The following SHMT2 variants were observed in gnomAD, a reference collection of about 807,000 sequenced individuals.
The protein encoded by SHMT2 is serine hydroxymethyltransferase 2, also known as serine hydroxymethyltransferase, mitochondrial.
SHMT2 carries 38 observed loss-of-function variants against 59.6 expected under a neutral mutation model. The ratio of observed to expected loss-of-function variants is 0.64; its 90% CI spans 0.49 to 0.84. The LOEUF (loss-of-function observed/expected upper bound fraction) is 0.84, where lower values mean the gene tolerates loss of function less well. Ranked by LOEUF, SHMT2 falls within the 40% of genes least tolerant of loss-of-function variation. The probability of loss-of-function intolerance (pLI) is 0.00; values close to 1 mark genes in which losing one functional copy is unlikely to be tolerated. For missense variants in SHMT2, 533 were observed against 659.5 expected (o/e 0.81, Z 2.10); for synonymous variants, 254 against 258.1 (o/e 0.98, Z 0.15).
At position 57,233,217 on chromosome 12, in the gene SHMT2, G is replaced by T. The variant is rs201477117; in HGVS notation, c.895G>T (p.Val299Leu). Residue 299 changes from valine (V) to leucine (L), a missense_variant, in exon 8 of 12, where the codon GTG becomes TTG. By Grantham distance (32) the Val-to-Leu change is conservative. Transcript: ENST00000328923. Reference protein sequence around the residue: ...LIFYRKGVKAVDPKTGREIPY... With the variant: ...LIFYRKGVKALDPKTGREIPY... ...CTTCTACCGGAAAGGGGTGAAGGCT[G>T]TGGACCCCAAGACTGGCCGGGAGAT... is the stretch of plus-strand genomic sequence containing the variant. 1.9e-6 allele frequency: 3 copies of T among 1,597,800 alleles called. No individual in the cohort carries two copies. In the South Asian group the frequency reaches 3.4e-5, roughly 18 times the overall value.
At chr12:57,233,092 T>A in intron 7 of SHMT2, 88 bp from the exon 8 acceptor site, 3 of 1,456,086 alleles carry the variant, frequency 2.1e-6, no homozygotes, top group Non-Finnish European at 2.8e-6. Flanking sequence ...GCTGTGCCCT[T>A]GGGGCCCAGG....
chr12:57,230,063 G>A, intron 1 of SHMT2: 1 of 1,406,718 alleles, frequency 7.1e-7, no homozygotes, highest in Non-Finnish European at 9.2e-7. Flanking sequence ...GGCATTAGGG[G>A]AGAGGACAGC....
At chr12:57,229,942 C>A in intron 1 of SHMT2, 131 bp downstream of exon 1, 1 of 1,485,566 alleles carries the variant, frequency 6.7e-7, no homozygotes. Flanking sequence ...AGGGAGCGGA[C>A]GTGTAACTGG....
chr12:57,233,943 C>G (rs1206265850), intron 10 of SHMT2, 39 bp downstream of exon 10: 1 of 1,613,978 alleles, frequency 6.2e-7, no homozygotes, highest in African/African-American at 1.3e-5. Context: ...GGCTCCCATG[C>G]TGGATGACTG....
Position 57,234,520 on chromosome 12 carries a change from GAGA to G in SHMT2, c.*163_*165del, listed in dbSNP as rs2037473951. 2.8e-6 allele frequency: 2 copies of G among 714,520 alleles called. No homozygotes were observed. The highest frequency in any genetic ancestry group is 2.1e-6 in the Non-Finnish European group (1 of 480,142). 44.3% of individuals were successfully genotyped at this position (714,520 alleles called of 1,614,324 possible). A position where few individuals can be genotyped will look rare whatever the true frequency, so the allele number is the denominator to read the frequency against. Reference sequence around the variant, plus strand: ...GTCTCCCTTCCCAGAATTTGTAACTGAGAAGATCTTTTCTTTTTCCTTTTTTTG... The same window carrying G: ...GTCTCCCTTCCCAGAATTTGTAACTGAGATCTTTTCTTTTTCCTTTTTTTG... On this transcript the variant is annotated 3_prime_UTR_variant, in exon 12 of 12. Coordinates refer to ENST00000328923, the MANE Select transcript of SHMT2 (RefSeq NM_005412.6).
chr12:57,232,086 A>G, intron 4 of SHMT2, 125 bp from the exon 5 acceptor site: 1 of 1,132,202 alleles, frequency 8.8e-7, no homozygotes, highest in Non-Finnish European at 1.3e-6. Flanking sequence ...CACAGAGTGG[A>G]CAGAGCAGTG....
Position 57,232,715 on chromosome 12 carries a change from A to T in SHMT2, c.729A>T (p.Glu243Asp), listed in dbSNP as rs2037378254. Residue 243 changes from glutamate (E) to aspartate (D), a missense_variant, in exon 7 of 12, where the codon GAA becomes GAT. Glu to Asp is a conservative substitution (Grantham distance 45). Coordinates refer to ENST00000328923, the MANE Select transcript of SHMT2 (RefSeq NM_005412.6). Reference protein sequence around the residue: ...DYARMREVCDEVKAHLLADMA... With the variant: ...DYARMREVCDDVKAHLLADMA... ...CTGTACCTGCCCAGGTGTGTGATGA[A>T]GTCAAAGCACACCTGCTGGCAGACA... The T allele has an allele frequency of 1.9e-6, 3 of 1,608,314 alleles. No homozygotes were observed. Among genetic ancestry groups the T allele is most frequent in the Non-Finnish European group, 2.6e-6 (3 of 1,175,362 alleles).
chr12:57,230,581 T>G lies in SHMT2; in HGVS notation c.34-222T>G, dbSNP rs1303213095. On this transcript the variant is annotated intron_variant, in intron 1 of 11. Coordinates refer to ENST00000328923, the MANE Select transcript of SHMT2 (RefSeq NM_005412.6). ...GTGAGGTGGTGGGAGATTTCTGAGG[T>G]GCGGTGCGGTGAATGGAGCAAATCA... 26 of 1,408,900 alleles carry G rather than the reference T, an allele frequency of 1.8e-5. No homozygotes were observed. The Admixed American group carries it at 7.6e-4, about 41-fold the overall frequency. The allele number at this position is 1,408,900 out of a possible 1,614,324, so 87.3% of individuals were successfully genotyped here. A position where few individuals can be genotyped will look rare whatever the true frequency, so the allele number is the denominator to read the frequency against.
In SHMT2 at chr12:57,232,827, ACT is replaced by A; in HGVS notation, c.844_845del (p.Leu282SerfsTer30). ...CATCGTCACCACCACTACTCACAAGACTCTTCGAGGGGCCAGGTCAGGCTCCC... is the reference window on the plus strand; with the variant it reads ...CATCGTCACCACCACTACTCACAAGACTTCGAGGGGCCAGGTCAGGCTCCC... ...ADIVTTTTHK[T>X]LRGARSGLIF... On this transcript the variant is annotated frameshift_variant, in exon 7 of 12. Coordinates refer to ENST00000328923, the MANE Select transcript of SHMT2 (RefSeq NM_005412.6). LOFTEE classifies it high-confidence loss of function. 6.2e-7 allele frequency: 1 copy of A among 1,609,538 alleles called. No homozygotes were observed. The highest frequency in any genetic ancestry group is 8.5e-7 in the Non-Finnish European group (1 of 1,176,420).
intron 2 of SHMT2, 44 bp downstream of exon 2, chr12:57,231,044 C>T (rs949776670): frequency 2.6e-6 from 4 of 1,567,206 alleles, no homozygotes; most frequent in Non-Finnish European, 2.6e-6. Context: ...ACCATGGGTA[C>T]AGGAAGTAAC....
At chr12:57,232,152 G>C in intron 4 of SHMT2, 59 bp from the exon 5 acceptor site, 1 of 1,447,520 alleles carries the variant, frequency 6.9e-7, no homozygotes, top group Non-Finnish European at 9.7e-7. Context: ...GAGTTGAAGG[G>C]AGTGGTTAAG....
intron 4 of SHMT2, 37 bp downstream of exon 4, chr12:57,231,950 A>G: frequency 6.4e-7 from 1 of 1,572,324 alleles, no homozygotes; most frequent in Non-Finnish European, 8.6e-7. Flanking sequence ...TCTTGGCGGC[A>G]GGATTGGTGT....
chr12:57,232,900 G>A, intron 7 of SHMT2, 57 bp downstream of exon 7: 2 of 1,576,410 alleles, frequency 1.3e-6, no homozygotes, highest in Non-Finnish European at 1.7e-6. Context: ...TATTCCTGGG[G>A]CACTGTTGGC....
intron 7 of SHMT2, 59 bp from the exon 8 acceptor site, chr12:57,233,121 C>T (rs925124374): frequency 1.3e-6 from 2 of 1,503,794 alleles, no homozygotes; most frequent in African/African-American, 2.8e-5. Flanking sequence ...CTTCCTCTGC[C>T]TTCTCTGTCC....
rs139092594 is a variant in SHMT2 at position 57,233,236 on chromosome 12, G to A, written c.914G>A (p.Arg305Gln). Residue 305 changes from arginine (R) to glutamine (Q), a missense_variant, in exon 8 of 12, where the codon CGG becomes CAG. Arg to Gln is a conservative substitution (Grantham distance 43). Coordinates refer to ENST00000328923, the MANE Select transcript of SHMT2 (RefSeq NM_005412.6). ...AAGGCTGTGGACCCCAAGACTGGCC[G>A]GGAGATCCCTTACACATTTGAGGAC... Reference protein sequence around the residue: ...GVKAVDPKTGREIPYTFEDRI... With the variant: ...GVKAVDPKTGQEIPYTFEDRI... The A allele has an allele frequency of 2.2e-4, 351 of 1,606,294 alleles. No individual in the cohort carries two copies. The highest frequency in any genetic ancestry group is 1.4e-4 in the Non-Finnish European group (167 of 1,175,384).
intron 1 of SHMT2, chr12:57,230,489 G>T: frequency 8.0e-7 from 1 of 1,247,094 alleles, no homozygotes; most frequent in African/African-American, 1.5e-5. Flanking sequence ...TGGAATCTCA[G>T]TTGCCCTCTC....
chr12:57,231,756 T>TGCCAGCGCAGG lies in SHMT2; in HGVS notation c.363_364insAGGGCCAGCGC (p.Leu124SerfsTer92). On this transcript the variant is annotated frameshift_variant, in exon 4 of 12. Coordinates refer to ENST00000328923, the MANE Select transcript of SHMT2 (RefSeq NM_005412.6). LOFTEE classifies it high-confidence loss of function. ...GGTGGTGGATGAAATTGAGCTGCTG[T>TGCCAGCGCAGG]GCCAGCGCCGGGCCTTGGAAGCCTT... 6.2e-7 allele frequency: 1 copy of TGCCAGCGCAGG among 1,614,214 alleles called. No homozygotes were observed.
rs1388167101 is a variant in SHMT2 at position 57,231,853 on chromosome 12, A to G, written c.452A>G (p.Tyr151Cys). ...GGGTCCCCAGCCAACCTGGCCGTCT[A>G]CACAGCCCTTCTGCAACCTCACGAC... ...YSGSPANLAV[Y>C]TALLQPHDRI... Residue 151 changes from tyrosine to cysteine, a missense_variant, in exon 4 of 12, where the codon TAC (tyrosine) becomes TGC (cysteine). By Grantham distance (194) the Tyr-to-Cys change is radical. Coordinates refer to ENST00000328923, the MANE Select transcript of SHMT2 (RefSeq NM_005412.6). The G allele has an allele frequency of 8.7e-6, 14 of 1,613,946 alleles. No homozygotes were observed. Among genetic ancestry groups the G allele is most frequent in the Middle Eastern group, 1.6e-4 (1 of 6,082 alleles).
chr12:57,233,792 G>C lies in SHMT2; in HGVS notation c.1167G>C (p.Lys389Asn). ...TGGTGCTGGTGGACCTGCGGCCCAA[G>C]GGCCTGGATGGAGCTCGGGCTGAGC... is the stretch of plus-strand genomic sequence containing the variant. Reference protein sequence around the residue: ...NHLVLVDLRPKGLDGARAERV... With the variant: ...NHLVLVDLRPNGLDGARAERV... The change falls in exon 10 of 12, where the codon AAG (lysine) becomes AAC (asparagine). Residue 389 changes from lysine to asparagine, a missense_variant. Physicochemically the swap from Lys to Asn is moderately conservative, Grantham distance 94 (BLOSUM62 0). Transcript: ENST00000328923. The C allele has an allele frequency of 1.2e-6, 2 of 1,614,244 alleles. No homozygotes were observed. The highest frequency in any genetic ancestry group is 1.7e-6 in the Non-Finnish European group (2 of 1,180,042).
Sources: allele counts gnomAD v4.1 joint callset, GRCh38; gene constraint gnomAD v4.1.1; transcripts MANE v1.5; gene names NCBI Gene and HGNC (gene_info 2026-07-23, HGNC 2026-07-21).